CLNK: variants seen among roughly 807,000 people sequenced by gnomAD.
CLNK encodes cytokine-dependent hematopoietic cell linker.
CLNK carries 74 observed loss-of-function variants against 68.6 expected under a neutral mutation model. The ratio of observed to expected loss-of-function variants is 1.08; its 90% CI spans 0.89 to 1.31. CLNK has a LOEUF of 1.31. CLNK is among the 50% of genes most tolerant of loss of function. The probability of loss-of-function intolerance (pLI) is 0.00; values close to 1 mark genes in which losing one functional copy is unlikely to be tolerated. For missense variants in CLNK, 553 were observed against 515.3 expected, an observed-to-expected ratio of 1.07 and a Z score of -0.71; for synonymous variants, 198 against 172.2, an observed-to-expected ratio of 1.15 and a Z score of -1.17.
the CLNK span, among the ~76,000 whole-genome samples, chr4:10,728,367 C>T: frequency 6.8e-6 from 1 of 146,416 alleles, no homozygotes; most frequent in East Asian, 2.0e-4. Flanking sequence ...AGGAACAAAG[C>T]AACATTTTAT....
chr4:10,683,542 A>T (rs1371974033), intron 1 of CLNK, among the ~76,000 whole-genome samples: 1 of 152,230 alleles, frequency 6.6e-6, no homozygotes, highest in Non-Finnish European at 1.5e-5. Flanking sequence ...GACATTAGTG[A>T]CTGAACAACC....
intron 16 of CLNK, among the ~76,000 whole-genome samples, chr4:10,508,249 T>A (rs1223352640): frequency 1.3e-5 from 2 of 152,164 alleles, no homozygotes; most frequent in Non-Finnish European, 2.9e-5. Flanking sequence ...GCTGGGGAAT[T>A]CTGAAGTCTA....
At chr4:10,564,801 A>T (rs999786799) in intron 6 of CLNK, 24 bp from the exon 7 acceptor site, 2 of 1,405,958 alleles carry the variant, frequency 1.4e-6, no homozygotes, top group Non-Finnish European at 2.0e-6. Flanking sequence ...AAAATATGAA[A>T]GTCATACCTT....
the CLNK span, among the ~76,000 whole-genome samples, chr4:10,690,690 G>T: frequency 4.6e-5 from 7 of 151,954 alleles, no homozygotes; most frequent in Admixed American, 6.6e-5. Flanking sequence ...TTACAATAAC[G>T]CCTCTGTGTT....
At chr4:10,655,117 A>AG (rs1296981018) in intron 2 of CLNK, among the ~76,000 whole-genome samples, 1 of 151,864 alleles carries the variant, frequency 6.6e-6, no homozygotes, top group Non-Finnish European at 1.5e-5. Flanking sequence ...AAAAAAAAAA[A>AG]AAAAGGATTT....
At chr4:10,684,636 C>G (rs1235453413) in intron 1 of CLNK, 32 bp downstream of exon 1, 1 of 152,084 alleles carries the variant, frequency 6.6e-6, no homozygotes, top group Non-Finnish European at 1.5e-5. Context: ...CCATGAGATC[C>G]TCACTCAGAA....
At chr4:10,622,896 G>T (rs919846295) in intron 2 of CLNK, among the ~76,000 whole-genome samples, 1 of 152,064 alleles carries the variant, frequency 6.6e-6, no homozygotes, top group South Asian at 2.1e-4. Context: ...TCCTTACTTG[G>T]TAGAGAGAGG....
chr4:10,679,955 G>A (rs548368853), intron 1 of CLNK, among the ~76,000 whole-genome samples: 3 of 152,304 alleles, frequency 2.0e-5, no homozygotes, highest in South Asian at 4.1e-4. Flanking sequence ...GGAAGTCAGT[G>A]TGGTGATTCC....
chr4:10,597,961 C>A lies in CLNK; in HGVS notation c.83+17G>T. 2 of 1,528,816 alleles carry A rather than the reference C, an allele frequency of 1.3e-6. No homozygotes were observed. The highest frequency in any genetic ancestry group is 1.2e-5 in the South Asian group (1 of 82,756). 94.7% of individuals were successfully genotyped at this position (1,528,816 alleles called of 1,614,324 possible). A position where few individuals can be genotyped will look rare whatever the true frequency, so the allele number is the denominator to read the frequency against. ...AAATTTTCACTCCTCTATTAATAAA[C>A]AAGTAAATATTCTGACCTGTTTTTT... On this transcript the variant is annotated intron_variant, in intron 3 of 18. Coordinates refer to ENST00000226951, the MANE Select transcript of CLNK (RefSeq NM_052964.4).
chr4:10,598,290 G>A (rs1201555185), intron 2 of CLNK, among the ~76,000 whole-genome samples: 2 of 152,176 alleles, frequency 1.3e-5, no homozygotes, highest in Non-Finnish European at 2.9e-5. Flanking sequence ...GTAGTGTGGG[G>A]CAGAAGAAAT....
chr4:10,619,671 A>C (rs1722356493), intron 2 of CLNK, among the ~76,000 whole-genome samples: 1 of 152,228 alleles, frequency 6.6e-6, no homozygotes, highest in Non-Finnish European at 1.5e-5. Flanking sequence ...ATGGGTTGGA[A>C]TAGATCTCTC....
intron 17 of CLNK, among the ~76,000 whole-genome samples, chr4:10,504,181 C>T (rs1332958850): frequency 8.0e-6 from 1 of 124,822 alleles, no homozygotes; most frequent in Non-Finnish European, 1.6e-5. Context: ...AGTGCAGTGG[C>T]TCAATCTCGG....
At chr4:10,543,990 G>A (rs1464593568) in intron 8 of CLNK, among the ~76,000 whole-genome samples, 1 of 152,072 alleles carries the variant, frequency 6.6e-6, no homozygotes, top group East Asian at 1.9e-4. Flanking sequence ...CTTGCTTAAG[G>A]GACAAAATTA....
chr4:10,711,025 A>G, the CLNK span, among the ~76,000 whole-genome samples: 1 of 152,196 alleles, frequency 6.6e-6, no homozygotes. Flanking sequence ...ATACTTCAAG[A>G]GTCTGTCTTG....
At chr4:10,587,523 A>T (rs184758709) in intron 3 of CLNK, among the ~76,000 whole-genome samples, 1 of 152,294 alleles carries the variant, frequency 6.6e-6, no homozygotes, top group East Asian at 1.9e-4. Context: ...CGCCAGGTGT[A>T]AATATTTATG....
intron 1 of CLNK, among the ~76,000 whole-genome samples, chr4:10,682,561 T>C (rs1725133978): frequency 6.6e-6 from 1 of 152,222 alleles, no homozygotes; most frequent in Non-Finnish European, 1.5e-5. Context: ...AAATGTATTC[T>C]TCCTCCCAGT....
chr4:10,709,950 C>T, the CLNK span, among the ~76,000 whole-genome samples: 2 of 152,166 alleles, frequency 1.3e-5, no homozygotes, highest in Non-Finnish European at 2.9e-5. Context: ...GAGTTTGGAC[C>T]TGACCATAAG....
At chr4:10,694,420 C>A in the CLNK span, among the ~76,000 whole-genome samples, 1 of 152,006 alleles carries the variant, frequency 6.6e-6, no homozygotes, top group East Asian at 1.9e-4. Flanking sequence ...CAATGATGGA[C>A]TGTATATACA....
intron 8 of CLNK, among the ~76,000 whole-genome samples, chr4:10,553,638 G>C (rs762925423): frequency 2.0e-5 from 3 of 152,032 alleles, no homozygotes; most frequent in Non-Finnish European, 4.4e-5. Context: ...ATTTTTAGTA[G>C]AGACAGGGTG....
Sources: gnomAD v4.1 joint callset for allele counts (sites outside exome capture counted in the v4.1 genomes callset) on GRCh38, gnomAD v4.1.1 for gene constraint, MANE v1.5 for transcripts, NCBI Gene and HGNC (gene_info 2026-07-23, HGNC 2026-07-21) for gene names.